HUNK: variants seen among roughly 807,000 people sequenced by gnomAD.
The protein encoded by HUNK is hormonally up-regulated Neu-associated kinase, also known as hormonally up-regulated neu tumor-associated kinase.
A neutral mutation model predicts 61.0 loss-of-function variants in HUNK; 21 were observed. That is an observed-to-expected ratio of 0.34 (90% CI 0.24 to 0.50). The LOEUF is 0.50. Among genes scored for constraint, HUNK ranks in the 20% least tolerant of loss-of-function variants. HUNK has a pLI of 0.98. For synonymous variants in HUNK, 371 were observed against 386.1 expected, an observed-to-expected ratio of 0.96 and a Z score of 0.46; for missense variants, 772 against 945.7, an observed-to-expected ratio of 0.82 and a Z score of 2.41.
At position 31,983,594 on chromosome 21, in the gene HUNK, C is replaced by CA; in HGVS notation, c.1244dup (p.Glu416GlyfsTer4). On this transcript the variant is annotated frameshift_variant, in exon 8 of 11. Transcript: ENST00000270112. LOFTEE classifies it high-confidence loss of function. Reference sequence around the variant, plus strand: ...ACCAGATAGAAAAGTACAGGGCCCCCAAGGAGTCCTATGAGGTGAGTGACC... The same window carrying CA: ...ACCAGATAGAAAAGTACAGGGCCCCCAAAGGAGTCCTATGAGGTGAGTGACC... The CA allele has an allele frequency of 6.2e-7, 1 of 1,613,310 alleles. No homozygotes were observed. Among genetic ancestry groups the CA allele is most frequent in the Non-Finnish European group, 8.5e-7 (1 of 1,179,554 alleles).
At chr21:31,980,382 T>C (rs1465596138) in intron 7 of HUNK, among the ~76,000 whole-genome samples, 5 of 148,708 alleles carry the variant, frequency 3.4e-5, no homozygotes, top group South Asian at 2.1e-4. Context: ...TCTTCTTCTT[T>C]TTTTTTTTTT....
intron 5 of HUNK, among the ~76,000 whole-genome samples, chr21:31,967,741 T>C (rs1181758030): frequency 3.3e-5 from 5 of 152,142 alleles, no homozygotes; most frequent in African/African-American, 1.2e-4. Flanking sequence ...TTGAGAGGTC[T>C]AACTTAGGAT....
chr21:31,972,807 ATTTG>A (rs984380148), intron 6 of HUNK, among the ~76,000 whole-genome samples: 22 of 152,112 alleles, frequency 1.4e-4, no homozygotes, highest in African/African-American at 4.6e-4. Context: ...GTGTGTTTTC[ATTTG>A]TTTGTCTTTT....
At chr21:31,953,566 A>C (rs2052867372) in intron 4 of HUNK, among the ~76,000 whole-genome samples, 1 of 152,218 alleles carries the variant, frequency 6.6e-6, no homozygotes, top group Non-Finnish European at 1.5e-5. Context: ...ATACAGTACA[A>C]ATAAAACTGT....
chr21:31,885,295 G>GC (rs1339038236), intron 1 of HUNK, among the ~76,000 whole-genome samples: 1 of 152,196 alleles, frequency 6.6e-6, no homozygotes, highest in Non-Finnish European at 1.5e-5. Context: ...CAGTGCATGC[G>GC]CCTTGGCACT....
At chr21:31,947,504 A>G (rs1403118561) in intron 4 of HUNK, among the ~76,000 whole-genome samples, 1 of 152,140 alleles carries the variant, frequency 6.6e-6, no homozygotes, top group Non-Finnish European at 1.5e-5. Flanking sequence ...GCACCTCTCA[A>G]TGCCTGTCCT....
chr21:31,993,674 G>C (rs1237440764), intron 9 of HUNK, among the ~76,000 whole-genome samples: 2 of 152,218 alleles, frequency 1.3e-5, no homozygotes, highest in Non-Finnish European at 2.9e-5. Flanking sequence ...GTGTAAGCGT[G>C]TGTGCAAAAG....
chr21:31,877,029 G>A (rs1023037571), intron 1 of HUNK, among the ~76,000 whole-genome samples: 9 of 152,266 alleles, frequency 5.9e-5, no homozygotes, highest in East Asian at 1.9e-4. Flanking sequence ...CCCAGCCCAC[G>A]TGGAGCGAAA....
rs76717432 is a variant in HUNK, at chr21:31,931,827, G to A, written c.554+7067G>A. 0.011 allele frequency among the ~76,000 whole-genome samples: 1,722 copies of A among 152,200 alleles called. 68 individuals carry two copies. In the East Asian group the frequency reaches 0.12, roughly 10 times the overall value. On this transcript the variant is annotated intron_variant, in intron 2 of 10. Coordinates refer to ENST00000270112, the MANE Select transcript of HUNK (RefSeq NM_014586.2). Reference sequence around the variant, plus strand: ...CCCCTCAGCCTAGACCTCCTGGGCTGGGCATGGTCTGTGGAGGCCCAGGGG... The same window carrying A: ...CCCCTCAGCCTAGACCTCCTGGGCTAGGCATGGTCTGTGGAGGCCCAGGGG...
intron 2 of HUNK, among the ~76,000 whole-genome samples, chr21:31,927,374 G>A (rs2052668332): frequency 9.3e-3 from 1 of 108 alleles, no homozygotes; most frequent in Admixed American, 0.12. Context: ...GCCGGGCGCA[G>A]TGCTCACGCC....
intron 10 of HUNK, among the ~76,000 whole-genome samples, chr21:31,996,694 C>T (rs143946856): frequency 9.2e-5 from 14 of 152,322 alleles, no homozygotes; most frequent in African/African-American, 3.1e-4. Context: ...GGATGAGACA[C>T]TTCTTGGAGT....
At chr21:31,969,616 G>A (rs74611055) in intron 6 of HUNK, among the ~76,000 whole-genome samples, 2,229 of 150,970 alleles carry the variant, frequency 0.015, 57 homozygotes, top group African/African-American at 0.051. Context: ...ACCCAGGCTA[G>A]AGTGTAGTGG....
intron 1 of HUNK, among the ~76,000 whole-genome samples, chr21:31,908,592 A>G (rs2052524138): frequency 6.6e-6 from 1 of 151,872 alleles, no homozygotes; most frequent in South Asian, 2.1e-4. Flanking sequence ...AGGGAGGGAG[A>G]GTGGGGTGCA....
At position 32,003,933 on chromosome 21, in the gene HUNK, A is replaced by G. The variant is rs1447733146; in HGVS notation, c.*4749A>G. ...AATAATGAGGCATTTGGGGCAACCA[A>G]TTTTGGAAGGATAGAATAGCTTTAT... On this transcript the variant is annotated 3_prime_UTR_variant, in exon 11 of 11. Coordinates refer to ENST00000270112, the MANE Select transcript of HUNK (RefSeq NM_014586.2). The G allele has an allele frequency of 6.6e-6, 1 of 152,130 alleles. No homozygotes were observed. The highest frequency in any genetic ancestry group is 1.9e-4 in the East Asian group (1 of 5,184). 9.4% of individuals were successfully genotyped at this position (152,130 alleles called of 1,614,324 possible).
At chr21:31,912,500 T>C (rs2052553562) in intron 1 of HUNK, among the ~76,000 whole-genome samples, 1 of 151,318 alleles carries the variant, frequency 6.6e-6, no homozygotes, top group South Asian at 2.1e-4. Context: ...AGGGGTAGAG[T>C]TGTAATTAGG....
intron 6 of HUNK, among the ~76,000 whole-genome samples, chr21:31,971,923 G>A (rs2053014421): frequency 6.6e-6 from 1 of 151,522 alleles, no homozygotes. Context: ...AGAACTCCTG[G>A]GCTCGAGTAA....
intron 4 of HUNK, among the ~76,000 whole-genome samples, chr21:31,954,496 C>T (rs2052874335): frequency 6.6e-6 from 1 of 152,180 alleles, no homozygotes; most frequent in African/African-American, 2.4e-5. Context: ...AGTAAAAGAA[C>T]CCCAGAATAT....
At chr21:31,917,826 C>G (rs373652904) in intron 1 of HUNK, among the ~76,000 whole-genome samples, 1 of 151,624 alleles carries the variant, frequency 6.6e-6, no homozygotes, top group Non-Finnish European at 1.5e-5. Flanking sequence ...AATCGGGGAA[C>G]CTGCAGCGTT....
rs941741464 is a variant in HUNK at position 31,912,150 on chromosome 21, A to G, written c.262-12318A>G. The stretch of plus-strand genomic sequence containing the variant: ...CTTCCCCCACCGTTCCTCCCTCCCC[A>G]TCTTCTTTCCAGGTCCATGCTGGCC... On this transcript the variant is annotated intron_variant, in intron 1 of 10. Transcript: ENST00000270112. 4.6e-5 allele frequency among the ~76,000 whole-genome samples: 7 copies of G among 152,094 alleles called. No homozygotes were observed. The East Asian group carries it at 1.4e-3, about 30-fold the overall frequency.
Sources: allele counts gnomAD v4.1 joint callset (sites outside exome capture counted in the v4.1 genomes callset), GRCh38; gene constraint gnomAD v4.1.1; transcripts MANE v1.5; gene names NCBI Gene and HGNC (gene_info 2026-07-23, HGNC 2026-07-21).